Variants in SCIN observed in about 807,000 individuals in gnomAD.
The protein encoded by SCIN is adseverin.
A neutral mutation model predicts 91.8 loss-of-function variants in SCIN; 91 were observed. That is an observed-to-expected ratio of 0.99 (90% CI 0.84 to 1.18). The LOEUF is 1.18. Ranked by LOEUF, SCIN falls within the 50% of genes most tolerant of loss-of-function variation. The pLI, the probability that SCIN is intolerant of heterozygous loss-of-function variation, is 0.00. For missense variants in SCIN, 1,087 were observed against 863.9 expected, an observed-to-expected ratio of 1.26 and a Z score of -3.24; for synonymous variants, 367 against 312.6, an observed-to-expected ratio of 1.17 and a Z score of -1.84.
chr7:12,635,556 G>A (rs1783731864), intron 9 of SCIN, among the ~76,000 whole-genome samples: 1 of 126,642 alleles, frequency 7.9e-6, no homozygotes, highest in Non-Finnish European at 1.6e-5. Context: ...AGGTTGCAGT[G>A]AGCCAAGACC....
At chr7:12,649,604 T>C in intron 14 of SCIN, 60 bp downstream of exon 14, 1 of 1,119,504 alleles carries the variant, frequency 8.9e-7, no homozygotes, top group Non-Finnish European at 1.3e-6. Flanking sequence ...ATGACAGAAC[T>C]TGATCTGAGA....
At chr7:12,641,626 T>C (rs540363440) in intron 11 of SCIN, among the ~76,000 whole-genome samples, 1 of 152,162 alleles carries the variant, frequency 6.6e-6, no homozygotes, top group South Asian at 2.1e-4. Context: ...CATGGTCCTA[T>C]ACTAAATTTT....
intron 9 of SCIN, among the ~76,000 whole-genome samples, chr7:12,630,788 A>G (rs1258155092): frequency 2.0e-5 from 3 of 152,210 alleles, no homozygotes; most frequent in Admixed American, 2.0e-4. Flanking sequence ...TAACTGGTAA[A>G]GCAACATTTT....
At chr7:12,631,676 A>G (rs1283986497) in intron 9 of SCIN, among the ~76,000 whole-genome samples, 1 of 152,224 alleles carries the variant, frequency 6.6e-6, no homozygotes, top group Admixed American at 6.5e-5. Flanking sequence ...CTTTGCCAGC[A>G]AGAAAACCCT....
rs747498918 is a variant in SCIN, at chr7:12,656,001, C to G, written c.*3286C>G. On this transcript the variant is annotated 3_prime_UTR_variant, in exon 16 of 16. Coordinates refer to ENST00000297029, the MANE Select transcript of SCIN (RefSeq NM_001112706.3). ...AGGTCCTGCATTTACCTCTTGGTGCCGGAGAGCCTTGGTGAGCCATTTAGA... is the reference window on the plus strand; with the variant it reads ...AGGTCCTGCATTTACCTCTTGGTGCGGGAGAGCCTTGGTGAGCCATTTAGA... 6.6e-6 allele frequency: 1 copy of G among 152,152 alleles called. No individual in the cohort carries two copies. The highest frequency in any genetic ancestry group is 2.4e-5 in the African/African-American group (1 of 41,438). 9.4% of individuals were successfully genotyped at this position (152,152 alleles called of 1,614,324 possible).
Position 12,636,061 on chromosome 7 carries a change from AC to A in SCIN, c.1337del (p.Thr446AsnfsTer5), listed in dbSNP as rs753289881. Reference sequence around the variant, plus strand: ...TTCCTCTAGGCAAGGAGCAAATGCCACACGAGATGAGCTGACAACATCTGCG... The same window carrying A: ...TTCCTCTAGGCAAGGAGCAAATGCCAACGAGATGAGCTGACAACATCTGCG... The part of the protein sequence containing the change: ...IIYTWQGANA[T>X]RDELTTSAFL... On this transcript the variant is annotated frameshift_variant, in exon 10 of 16. Coordinates refer to ENST00000297029, the MANE Select transcript of SCIN (RefSeq NM_001112706.3). LOFTEE classifies it high-confidence loss of function. 2.5e-6 allele frequency: 4 copies of A among 1,612,664 alleles called. No individual in the cohort carries two copies. Among genetic ancestry groups the A allele is most frequent in the Non-Finnish European group, 3.4e-6 (4 of 1,179,486 alleles).
chr7:12,584,428 G>A (rs940930815), intron 3 of SCIN, among the ~76,000 whole-genome samples: 2 of 152,156 alleles, frequency 1.3e-5, no homozygotes, highest in African/African-American at 4.8e-5. Flanking sequence ...ATATATCAGA[G>A]AAATCAGCTT....
At chr7:12,579,862 C>T (rs866339375) in intron 2 of SCIN, among the ~76,000 whole-genome samples, 2 of 152,086 alleles carry the variant, frequency 1.3e-5, no homozygotes, top group Non-Finnish European at 2.9e-5. Flanking sequence ...TGCAGTGAGG[C>T]GAGGTCATGC....
rs1784120691 is a variant in SCIN, at chr7:12,653,376, C to T, written c.*661C>T. ...GCCATTAGTCAGAGTTGTTTTTTAA[C>T]ATGCCAGAGAAAAAGTTGTAATGCC... On this transcript the variant is annotated 3_prime_UTR_variant, in exon 16 of 16. Coordinates refer to ENST00000297029, the MANE Select transcript of SCIN (RefSeq NM_001112706.3). This position sits in a 1 kb window ranked among gnomAD's most constrained non-coding sequence, Gnocchi z 4.1. 1 of 152,016 alleles carries T rather than the reference C, an allele frequency of 6.6e-6. No individual in the cohort carries two copies. The highest frequency in any genetic ancestry group is 2.4e-5 in the African/African-American group (1 of 41,406). The allele number at this position is 152,016 out of a possible 1,614,324, so 9.4% of individuals were successfully genotyped here. A position where few individuals can be genotyped will look rare whatever the true frequency, so the allele number is the denominator to read the frequency against.
chr7:12,579,402 C>T (rs190687919), intron 2 of SCIN, among the ~76,000 whole-genome samples: 63 of 152,252 alleles, frequency 4.1e-4, no homozygotes, highest in African/African-American at 1.4e-3. Flanking sequence ...GATACTGAAA[C>T]TTCCTTTATG....
chr7:12,617,787 G>A (rs986897940), intron 4 of SCIN, among the ~76,000 whole-genome samples: 2 of 152,098 alleles, frequency 1.3e-5, no homozygotes, highest in Admixed American at 1.3e-4. Context: ...GCTCCAATCA[G>A]AATAAATAAA....
At chr7:12,626,475 T>G (rs1358582587) in intron 7 of SCIN, 109 bp from the exon 8 acceptor site, 19 of 872,456 alleles carry the variant, frequency 2.2e-5, no homozygotes, top group Non-Finnish European at 3.1e-5. Context: ...GCTTGATAGC[T>G]AAACCAGGAT....
At chr7:12,611,932 A>T (rs1026254980) in intron 4 of SCIN, among the ~76,000 whole-genome samples, 6 of 148,040 alleles carry the variant, frequency 4.1e-5, no homozygotes, top group Non-Finnish European at 7.5e-5. Flanking sequence ...CTTAAAATAA[A>T]AAAAAAAAAA....
chr7:12,645,180 A>G (rs921056557), intron 13 of SCIN, among the ~76,000 whole-genome samples: 4 of 149,712 alleles, frequency 2.7e-5, no homozygotes, highest in East Asian at 2.0e-4. Context: ...TTAGTCAGGC[A>G]TGGTGGTGGG....
At position 12,581,139 on chromosome 7, in the gene SCIN, G is replaced by A. The variant is rs144832211; in HGVS notation, c.434G>A (p.Arg145His). 3.3e-5 allele frequency: 51 copies of A among 1,551,466 alleles called. No individual in the cohort carries two copies. In the Middle Eastern group the frequency reaches 8.4e-4, roughly 25 times the overall value. The change falls in exon 3 of 16, where the codon CGT becomes CAT. Residue 145 changes from arginine (R) to histidine (H), a missense_variant. Arg to His is a conservative substitution (Grantham distance 29). Coordinates refer to ENST00000297029, the MANE Select transcript of SCIN (RefSeq NM_001112706.3). ...AAGAGGCTCCTACATGTGAAGGGTCGTAGAGTGGTGAGAGCCACAGAAGTT... is the reference window on the plus strand; with the variant it reads ...AAGAGGCTCCTACATGTGAAGGGTCATAGAGTGGTGAGAGCCACAGAAGTT... The part of the protein sequence containing the change: ...TAKRLLHVKG[R>H]RVVRATEVPL...
intron 4 of SCIN, among the ~76,000 whole-genome samples, chr7:12,612,036 C>T (rs1214260902): frequency 1.3e-5 from 2 of 151,398 alleles, no homozygotes; most frequent in Non-Finnish European, 2.9e-5. Context: ...TCATTCTAGT[C>T]GAAACTCTGT....
chr7:12,630,157 C>T (rs1213331489), intron 9 of SCIN, among the ~76,000 whole-genome samples: 1 of 151,932 alleles, frequency 6.6e-6, no homozygotes, highest in East Asian at 1.9e-4. Context: ...CAGTCACATG[C>T]ATCCCCATAG....
intron 11 of SCIN, among the ~76,000 whole-genome samples, chr7:12,640,970 G>A (rs574165551): frequency 3.5e-4 from 53 of 152,262 alleles, no homozygotes; most frequent in African/African-American, 1.2e-3. Flanking sequence ...CCCATGAGCT[G>A]TTTCTGACAG....
intron 3 of SCIN, among the ~76,000 whole-genome samples, chr7:12,598,763 G>A (rs1446106661): frequency 1.3e-5 from 2 of 151,996 alleles, no homozygotes; most frequent in African/African-American, 2.4e-5. Context: ...AAAAAAGTTC[G>A]CTAGGCGTGG....
Sources: allele counts gnomAD v4.1 joint callset (sites outside exome capture counted in the v4.1 genomes callset), GRCh38; gene constraint gnomAD v4.1.1; non-coding constraint Gnocchi (gnomAD v3.1); transcripts MANE v1.5; gene names NCBI Gene and HGNC (gene_info 2026-07-23, HGNC 2026-07-21).